The following PRDM16 variants were observed in gnomAD, a reference collection of about 807,000 sequenced individuals.
The protein encoded by PRDM16 is PR/SET domain 16.
In PRDM16, 23 loss-of-function variants were observed where a neutral mutation model predicts 110.6. The ratio of observed to expected loss-of-function variants is 0.21; its 90% CI spans 0.15 to 0.29. PRDM16 has a LOEUF of 0.29. Among genes scored for constraint, PRDM16 ranks in the 10% least tolerant of loss-of-function variants. The pLI, the probability that PRDM16 is intolerant of heterozygous loss-of-function variation, is 1.00. For missense variants in PRDM16, 1,615 were observed against 1,794.3 expected (o/e 0.90, Z 1.81); for synonymous variants, 799 against 781.8 (o/e 1.02, Z -0.37).
intron 1 of PRDM16, among the ~76,000 whole-genome samples, chr1:3,072,995 C>T (rs1018776170): frequency 1.3e-5 from 2 of 152,236 alleles, no homozygotes; most frequent in African/African-American, 2.4e-5. Flanking sequence ...GGGACAGGCA[C>T]CGGCCATGCC....
intron 2 of PRDM16, among the ~76,000 whole-genome samples, chr1:3,233,434 C>T (rs886674042): frequency 6.6e-6 from 1 of 152,174 alleles, no homozygotes; most frequent in Admixed American, 6.5e-5. Flanking sequence ...CTGGGGTCCC[C>T]TCCTGCCGCT....
intron 5 of PRDM16, among the ~76,000 whole-genome samples, chr1:3,399,248 C>T (rs532174999): frequency 4.6e-5 from 7 of 152,332 alleles, no homozygotes; most frequent in Admixed American, 2.6e-4. Context: ...CAAGAGGAGG[C>T]AGTGCGTGGA....
At chr1:3,152,197 A>G (rs1643786479) in intron 1 of PRDM16, among the ~76,000 whole-genome samples, 1 of 152,170 alleles carries the variant, frequency 6.6e-6, no homozygotes, top group Non-Finnish European at 1.5e-5. Flanking sequence ...GGAAGGCAGG[A>G]GTCTCTGAGA....
At chr1:3,098,162 G>C (rs1182548730) in intron 1 of PRDM16, among the ~76,000 whole-genome samples, 1 of 152,168 alleles carries the variant, frequency 6.6e-6, no homozygotes, top group Admixed American at 6.5e-5. Context: ...TCCTCTGCAG[G>C]TGAGAAGCTC....
In PRDM16 at chr1:3,244,112, C is replaced by T. The variant is rs552668116; in HGVS notation, c.413C>T (p.Ser138Leu). The T allele has an allele frequency of 5.3e-5, 85 of 1,613,854 alleles. No individual in the cohort carries two copies. The highest frequency in any genetic ancestry group is 6.6e-5 in the South Asian group (6 of 91,080). ...CAAATACTGACGGACGTGGAAGTGT[C>T]GCCCCAGGAAGGCTGCATCACAAAG... ...WEQILTDVEV[S>L]PQEGCITKIS... The change falls in exon 3 of 17, where the codon TCG (serine) becomes TTG (leucine). Residue 138 changes from serine (S) to leucine (L), a missense_variant. Physicochemically the swap from Ser to Leu is moderately radical, Grantham distance 145. Coordinates refer to ENST00000270722, the MANE Select transcript of PRDM16 (RefSeq NM_022114.4). This position sits in a 1 kb window ranked among gnomAD's most constrained non-coding sequence, Gnocchi z 4.1.
In PRDM16 at chr1:3,075,454, G is replaced by A. The variant is rs577707757; in HGVS notation, c.37+6158G>A. Among the ~76,000 whole-genome samples, 15 of 152,280 alleles carry A rather than the reference G, an allele frequency of 9.9e-5. No homozygotes were observed. In the South Asian group the frequency reaches 1.2e-3, roughly 13 times the overall value. On this transcript the variant is annotated intron_variant, in intron 1 of 16. Transcript: ENST00000270722. ...TGTTTAATTTCATTAACTACAATGC[G>A]GCCTACTGGAAAAATGTATAAAATC...
intron 14 of PRDM16, among the ~76,000 whole-genome samples, chr1:3,430,536 A>C (rs918647613): frequency 2.0e-5 from 3 of 152,168 alleles, no homozygotes; most frequent in Admixed American, 2.0e-4. Context: ...GTGCCAGTGC[A>C]GGTCCAGCTT....
chr1:3,300,008 T>G (rs74617872), intron 3 of PRDM16, among the ~76,000 whole-genome samples: 2 of 94,212 alleles, frequency 2.1e-5, no homozygotes, highest in Admixed American at 1.4e-4. Context: ...GCTCTGCCCT[T>G]GTTGAAGATG....
At chr1:3,100,788 C>T (rs1642514230) in intron 1 of PRDM16, among the ~76,000 whole-genome samples, 1 of 152,140 alleles carries the variant, frequency 6.6e-6, no homozygotes, top group Non-Finnish European at 1.5e-5. Flanking sequence ...TGGGCTGACT[C>T]AGCACAGCTG....
rs1461822973 is a variant in PRDM16 at position 3,186,634 on chromosome 1, C to T, written c.387+160C>T. On this transcript the variant is annotated intron_variant, in intron 2 of 16. Coordinates refer to ENST00000270722, the MANE Select transcript of PRDM16 (RefSeq NM_022114.4). ...CAGCCTATTTTATCCTGCAGCTCGC[C>T]TGATGCGACTCAGAAAGCATCAGAG... 15 of 568,686 alleles carry T rather than the reference C, an allele frequency of 2.6e-5. No homozygotes were observed. In the East Asian group the frequency reaches 4.5e-4, roughly 17 times the overall value. 35.2% of individuals were successfully genotyped at this position (568,686 alleles called of 1,614,324 possible).
chr1:3,156,312 T>A (rs1427830531), intron 1 of PRDM16, among the ~76,000 whole-genome samples: 1 of 152,144 alleles, frequency 6.6e-6, no homozygotes, highest in Non-Finnish European at 1.5e-5. Context: ...ATCGGTTTGA[T>A]TTTAGGTGAC....
intron 1 of PRDM16, among the ~76,000 whole-genome samples, chr1:3,119,470 C>T (rs934659020): frequency 3.9e-5 from 6 of 152,186 alleles, no homozygotes; most frequent in African/African-American, 1.4e-4. Flanking sequence ...GACATGGGGG[C>T]TGAGTTTTCT....
intron 2 of PRDM16, among the ~76,000 whole-genome samples, chr1:3,194,732 G>A (rs563642791): frequency 4.0e-5 from 6 of 151,114 alleles, no homozygotes; most frequent in South Asian, 2.1e-4. Context: ...CCCGCCACAC[G>A]CCACCGTCTG....
chr1:3,274,939 G>C (rs1310081348), intron 3 of PRDM16, among the ~76,000 whole-genome samples: 1 of 152,204 alleles, frequency 6.6e-6, no homozygotes, highest in Non-Finnish European at 1.5e-5. Context: ...GGGGATGCAG[G>C]ATGCACAGAT....
chr1:3,381,780 C>G (rs543377859), intron 3 of PRDM16, among the ~76,000 whole-genome samples: 2 of 152,312 alleles, frequency 1.3e-5, no homozygotes, highest in South Asian at 2.1e-4. Context: ...TCTCCCTGGC[C>G]CCTGTACCAT....
At chr1:3,114,086 A>T (rs916544731) in intron 1 of PRDM16, among the ~76,000 whole-genome samples, 9 of 152,106 alleles carry the variant, frequency 5.9e-5, no homozygotes, top group African/African-American at 2.2e-4. Context: ...TTGTATTTGC[A>T]TGTTCATTTG....
At chr1:3,184,087 AG>A (rs1476312780) in intron 1 of PRDM16, among the ~76,000 whole-genome samples, 2 of 152,052 alleles carry the variant, frequency 1.3e-5, no homozygotes, top group Non-Finnish European at 2.9e-5. Flanking sequence ...TCAGGTCTTT[AG>A]GGGGGAGGAA....
chr1:3,114,199 G>GCACGCGCGCACACGCACACACA (rs1553127282), intron 1 of PRDM16, among the ~76,000 whole-genome samples: 1 of 110,356 alleles, frequency 9.1e-6, no homozygotes, highest in African/African-American at 3.7e-5. Flanking sequence ...ACACGCACAC[G>GCACGCGCGCACACGCACACACA]CACGCACACA....
intron 1 of PRDM16, among the ~76,000 whole-genome samples, chr1:3,074,615 C>G (rs1641850650): frequency 6.6e-6 from 1 of 152,228 alleles, no homozygotes; most frequent in Non-Finnish European, 1.5e-5. Context: ...TGTGGGTGTT[C>G]TGTCCCCAAG....
Sources: gnomAD v4.1 joint callset for allele counts (sites outside exome capture counted in the v4.1 genomes callset) on GRCh38, gnomAD v4.1.1 for gene constraint, Gnocchi (gnomAD v3.1) non-coding constraint, MANE v1.5 for transcripts, NCBI Gene and HGNC (gene_info 2026-07-23, HGNC 2026-07-21) for gene names.